TLN2: variants seen among roughly 807,000 people sequenced by gnomAD.
TLN2 encodes the protein talin 2.
TLN2 carries 118 observed loss-of-function variants against 294.7 expected under a neutral mutation model. The observed-to-expected ratio is 0.40, with a 90% CI of 0.34 to 0.47. TLN2 has a LOEUF of 0.47. TLN2 is among the 20% of genes least tolerant of loss of function. TLN2 has a pLI of 0.84. For synonymous variants in TLN2, 1,431 were observed against 1,304.5 expected, an observed-to-expected ratio of 1.10 and a Z score of -2.09; for missense variants, 3,083 against 3,282.2, an observed-to-expected ratio of 0.94 and a Z score of 1.48.
chr15:62,746,997 G>T (rs2061652867), intron 32 of TLN2, among the ~76,000 whole-genome samples: 1 of 152,146 alleles, frequency 6.6e-6, no homozygotes, highest in Admixed American at 6.5e-5. Flanking sequence ...TGACCATGTA[G>T]ATCAGTGCAA....
chr15:62,619,451 T>C (rs2048584600), intron 3 of TLN2, among the ~76,000 whole-genome samples: 1 of 152,232 alleles, frequency 6.6e-6, no homozygotes, highest in Admixed American at 6.5e-5. Flanking sequence ...ATCAAGAGAA[T>C]TCTTGTCATA....
intron 32 of TLN2, among the ~76,000 whole-genome samples, chr15:62,746,690 A>G (rs183463656): frequency 6.6e-4 from 100 of 152,334 alleles, no homozygotes; most frequent in Non-Finnish European, 1.2e-3. Context: ...GTTGGTGATT[A>G]ACAGCAATAT....
intron 2 of TLN2, among the ~76,000 whole-genome samples, chr15:62,593,180 A>G (rs1272679809): frequency 6.6e-6 from 1 of 152,180 alleles, no homozygotes; most frequent in Non-Finnish European, 1.5e-5. Context: ...TGCTTCCTTC[A>G]TTAAAAATGT....
intron 30 of TLN2, among the ~76,000 whole-genome samples, chr15:62,738,815 T>C (rs2061166220): frequency 6.6e-6 from 1 of 152,204 alleles, no homozygotes; most frequent in Non-Finnish European, 1.5e-5. Flanking sequence ...GGGTGATGAA[T>C]AGAGTCTAGC....
intron 23 of TLN2, among the ~76,000 whole-genome samples, chr15:62,716,719 A>C (rs1189467672): frequency 6.6e-6 from 1 of 152,176 alleles, no homozygotes; most frequent in East Asian, 1.9e-4. Context: ...CTATCATTAA[A>C]GGATATACAC....
intron 1 of TLN2, among the ~76,000 whole-genome samples, chr15:62,462,905 G>T (rs956026801): frequency 6.6e-6 from 1 of 152,128 alleles, no homozygotes; most frequent in Non-Finnish European, 1.5e-5. Flanking sequence ...TCTCCTGACC[G>T]CACAGCTGCC....
intron 1 of TLN2, among the ~76,000 whole-genome samples, chr15:62,492,728 ATAAG>A (rs1413439731): frequency 2.0e-5 from 3 of 152,292 alleles, no homozygotes; most frequent in Non-Finnish European, 4.4e-5. Context: ...ATTAAAATGT[ATAAG>A]TAAGTTTTTA....
In TLN2 at chr15:62,658,008, G is replaced by T. The variant is rs1020230536; in HGVS notation, c.788+110G>T. The stretch of plus-strand genomic sequence containing the variant: ...GATCATACCCTAATTTCAATCATTT[G>T]TGAGAATGCTAGCTTTTCTTCCATC... On this transcript the variant is annotated intron_variant, in intron 9 of 58. Transcript: ENST00000636159. 12 of 1,091,026 alleles carry T rather than the reference G, an allele frequency of 1.1e-5. 1 individual carries two copies. The South Asian group carries it at 2.0e-4, about 18-fold the overall frequency. The allele number at this position is 1,091,026 out of a possible 1,614,324, so 67.6% of individuals were successfully genotyped here. A position where few individuals can be genotyped will look rare whatever the true frequency, so the allele number is the denominator to read the frequency against.
Position 62,631,245 on chromosome 15 carries a change from C to A in TLN2, c.-37+12770C>A, listed in dbSNP as rs768566611. Reference sequence around the variant, plus strand: ...CAGCCTTGTCAGAGCCAAATCACTTCCTAAAGGCCCCACCTCTTAATACTG... The same window carrying A: ...CAGCCTTGTCAGAGCCAAATCACTTACTAAAGGCCCCACCTCTTAATACTG... On this transcript the variant is annotated intron_variant, in intron 3 of 58. Coordinates refer to ENST00000636159, the MANE Select transcript of TLN2 (RefSeq NM_015059.3). Among the ~76,000 whole-genome samples the A allele has an allele frequency of 4.3e-4, 66 of 152,174 alleles. 1 individual carries two copies. The highest frequency in any genetic ancestry group is 1.8e-4 in the Non-Finnish European group (12 of 68,018).
At chr15:62,454,361 C>T (rs1369927084) in intron 1 of TLN2, among the ~76,000 whole-genome samples, 1 of 152,128 alleles carries the variant, frequency 6.6e-6, no homozygotes, top group Non-Finnish European at 1.5e-5. Context: ...CCAGGGAGGC[C>T]AGGCCCTGAC....
intron 1 of TLN2, among the ~76,000 whole-genome samples, chr15:62,492,604 G>A (rs1440808561): frequency 6.6e-6 from 1 of 151,022 alleles, no homozygotes; most frequent in Admixed American, 6.6e-5. Context: ...AATGTCTAGA[G>A]ATAGTCTGTT....
At chr15:62,395,718 C>T (rs1408258993) in intron 1 of TLN2, among the ~76,000 whole-genome samples, 1 of 152,104 alleles carries the variant, frequency 6.6e-6, no homozygotes, top group African/African-American at 2.4e-5. Flanking sequence ...AAATAAGGTA[C>T]ATCCATAGTA....
intron 35 of TLN2, among the ~76,000 whole-genome samples, chr15:62,753,518 T>C (rs968785540): frequency 6.6e-6 from 1 of 152,180 alleles, no homozygotes; most frequent in East Asian, 1.9e-4. Flanking sequence ...CAAAGAAGAA[T>C]TTCTTGAGGC....
intron 2 of TLN2, among the ~76,000 whole-genome samples, chr15:62,592,684 A>T (rs529291043): frequency 1.3e-5 from 2 of 152,254 alleles, no homozygotes; most frequent in African/African-American, 4.8e-5. Context: ...TGAACAATGT[A>T]ACCAATCAAT....
intron 57 of TLN2, 173 bp downstream of exon 57, chr15:62,836,246 AC>A: frequency 2.2e-6 from 2 of 909,616 alleles, no homozygotes; most frequent in Non-Finnish European, 3.3e-6. Context: ...CTGCTGCCCC[AC>A]CACGCTGCCA....
intron 45 of TLN2, among the ~76,000 whole-genome samples, chr15:62,788,550 C>A (rs1284251351): frequency 6.6e-6 from 1 of 152,166 alleles, no homozygotes; most frequent in African/African-American, 2.4e-5. Context: ...AGATAACAAT[C>A]TTTTTTTCTT....
intron 9 of TLN2, among the ~76,000 whole-genome samples, chr15:62,673,310 C>CTTTTTTTTTTTTTTTGTTTTTTTTTTT (rs2055691204): frequency 2.3e-5 from 1 of 42,856 alleles, no homozygotes; most frequent in South Asian, 1.6e-3. Flanking sequence ...TTAGATGTTG[C>CTTTTTTTTTTTTTTTGTTTTTTTTTTT]TTTTTTTTTT....
chr15:62,530,019 C>T (rs1034583415), intron 1 of TLN2, among the ~76,000 whole-genome samples: 1 of 152,230 alleles, frequency 6.6e-6, no homozygotes, highest in South Asian at 2.1e-4. Flanking sequence ...GGTGAAACCC[C>T]TTCTCTACTA....
chr15:62,668,704 G>A (rs117279277), intron 9 of TLN2, among the ~76,000 whole-genome samples: 2,352 of 152,296 alleles, frequency 0.015, 35 homozygotes, highest in South Asian at 0.038. Flanking sequence ...GAGCCTCAGA[G>A]TCAGTGTGTA....
Sources: allele counts gnomAD v4.1 joint callset (sites outside exome capture counted in the v4.1 genomes callset), GRCh38; gene constraint gnomAD v4.1.1; transcripts MANE v1.5; gene names NCBI Gene and HGNC (gene_info 2026-07-23, HGNC 2026-07-21).